Variants in SPRR2G observed in about 807,000 individuals in gnomAD.
The protein encoded by SPRR2G is small proline rich protein 2G.
Under a neutral mutation model 0.7 loss-of-function variants are expected in SPRR2G, and 1 was observed. That is an observed-to-expected ratio of 1.49 (90% confidence interval 0.53 to 7.06). SPRR2G has a LOEUF of 7.06. Ranked by LOEUF, SPRR2G falls within the 30% of genes most tolerant of loss-of-function variation. SPRR2G has a pLI of 0.14. For missense variants in SPRR2G, 96 were observed against 88.5 expected (o/e 1.09, Z -0.34); for synonymous variants, 38 against 33.9 (o/e 1.12, Z -0.42).
chr1:153,167,603 T>C, the SPRR2G span, among the ~76,000 whole-genome samples: 1 of 152,246 alleles, frequency 6.6e-6, no homozygotes, highest in East Asian at 1.9e-4. Flanking sequence ...ATCTGTTTAA[T>C]GATTAGAGAT....
At chr1:153,167,388 C>T in the SPRR2G span, among the ~76,000 whole-genome samples, 6 of 152,044 alleles carry the variant, frequency 3.9e-5, no homozygotes, top group South Asian at 2.1e-4. Flanking sequence ...GCAGGAGAAT[C>T]GCTTGAACCT....
the SPRR2G span, among the ~76,000 whole-genome samples, chr1:153,169,293 C>T: frequency 6.6e-6 from 1 of 152,118 alleles, no homozygotes; most frequent in African/African-American, 2.4e-5. Context: ...GCCGGGGTCG[C>T]GGTGGCTCAT....
chr1:153,182,500 A>T, the SPRR2G span, among the ~76,000 whole-genome samples: 1 of 151,872 alleles, frequency 6.6e-6, no homozygotes, highest in East Asian at 1.9e-4. Context: ...TTTAAGCCCC[A>T]CATGCATTAG....
chr1:153,153,987 A>T (rs1656525941), upstream of SPRR2G, among the ~76,000 whole-genome samples: 1 of 152,070 alleles, frequency 6.6e-6, no homozygotes, highest in African/African-American at 2.4e-5. Context: ...GTTGAGATAC[A>T]TTTCTTCTAT....
chr1:153,188,628 G>A, the SPRR2G span, among the ~76,000 whole-genome samples: 21 of 152,232 alleles, frequency 1.4e-4, no homozygotes, highest in Non-Finnish European at 2.9e-4. Flanking sequence ...CATGGGACCC[G>A]CTGATCAAGA....
At chr1:153,200,781 C>A in the SPRR2G span, among the ~76,000 whole-genome samples, 1 of 151,214 alleles carries the variant, frequency 6.6e-6, no homozygotes, top group Admixed American at 6.6e-5. Flanking sequence ...CTCACTGCAA[C>A]CTTTGCCTCC....
At chr1:153,188,081 C>T in the SPRR2G span, among the ~76,000 whole-genome samples, 3 of 151,528 alleles carry the variant, frequency 2.0e-5, no homozygotes, top group Admixed American at 1.3e-4. Flanking sequence ...CTGGAAGTTT[C>T]ATCCCACAGG....
chr1:153,163,025 A>G, the SPRR2G span, among the ~76,000 whole-genome samples: 5 of 152,206 alleles, frequency 3.3e-5, no homozygotes, highest in Non-Finnish European at 7.3e-5. Flanking sequence ...TAGAAACAAA[A>G]CTGGCTTTTA....
chr1:153,179,362 G>A, the SPRR2G span, among the ~76,000 whole-genome samples: 1 of 152,092 alleles, frequency 6.6e-6, no homozygotes, highest in Non-Finnish European at 1.5e-5. Context: ...CCATCACAGG[G>A]CTGTCAAGTT....
the SPRR2G span, among the ~76,000 whole-genome samples, chr1:153,160,879 G>A: frequency 0.47 from 70,951 of 150,056 alleles, 17,887 homozygotes; most frequent in Non-Finnish European, 0.57. Flanking sequence ...AAGAAAATGT[G>A]GCACATATAC....
At chr1:153,167,055 TCCA>T in the SPRR2G span, among the ~76,000 whole-genome samples, 1 of 152,188 alleles carries the variant, frequency 6.6e-6, no homozygotes, top group Non-Finnish European at 1.5e-5. Context: ...CTACTTTGAT[TCCA>T]CCACCACCAT....
the SPRR2G span, among the ~76,000 whole-genome samples, chr1:153,159,367 C>A: frequency 6.6e-6 from 1 of 152,176 alleles, no homozygotes; most frequent in African/African-American, 2.4e-5. Context: ...CAATAAATTC[C>A]TCACCTCCAT....
chr1:153,189,622 T>C, the SPRR2G span, among the ~76,000 whole-genome samples: 2 of 152,208 alleles, frequency 1.3e-5, no homozygotes, highest in Non-Finnish European at 2.9e-5. Flanking sequence ...AAGTTGGGTT[T>C]CCTGGCAGAG....
chr1:153,152,398 T>C (rs1030144972), upstream of SPRR2G, among the ~76,000 whole-genome samples: 3 of 152,176 alleles, frequency 2.0e-5, no homozygotes, highest in African/African-American at 7.2e-5. Flanking sequence ...ATTTTTGCCT[T>C]GTGCTCTTTA....
upstream of SPRR2G, among the ~76,000 whole-genome samples, chr1:153,153,224 C>T (rs1656510067): frequency 6.6e-6 from 1 of 152,052 alleles, no homozygotes; most frequent in South Asian, 2.1e-4. Context: ...ATTTTGGTAT[C>T]ATGTATATTT....
chr1:153,174,629 T>G, the SPRR2G span: 2 of 152,286 alleles, frequency 1.3e-5, no homozygotes, highest in African/African-American at 4.8e-5. Context: ...GTGCGCACCC[T>G]GACTGCAAAA....
upstream of SPRR2G, among the ~76,000 whole-genome samples, chr1:153,153,958 C>G (rs900446708): frequency 4.6e-5 from 7 of 152,094 alleles, no homozygotes; most frequent in Non-Finnish European, 8.8e-5. Flanking sequence ...GTGGGTTACT[C>G]ACATATGGCC....
upstream of SPRR2G, among the ~76,000 whole-genome samples, chr1:153,154,109 G>C (rs1656530093): frequency 6.7e-6 from 1 of 150,300 alleles, no homozygotes. Flanking sequence ...TGTTTATGTA[G>C]TGTATCACAT....
At chr1:153,154,619 G>A (rs1013944181), upstream of SPRR2G, among the ~76,000 whole-genome samples, 1 of 151,906 alleles carries the variant, frequency 6.6e-6, no homozygotes, top group Non-Finnish European at 1.5e-5. Context: ...ATTTCTTCTA[G>A]GTTATCCAAT....
Sources: allele counts gnomAD v4.1 joint callset (sites outside exome capture counted in the v4.1 genomes callset), GRCh38; gene constraint gnomAD v4.1.1; transcripts MANE v1.5; gene names NCBI Gene and HGNC (gene_info 2026-07-23, HGNC 2026-07-21).